Variants in CCDC102B observed in about 807,000 individuals in gnomAD.
CCDC102B encodes coiled-coil domain-containing protein 102B.
A neutral mutation model predicts 57.4 loss-of-function variants in CCDC102B; 75 were observed. That is an observed-to-expected ratio of 1.31 (90% CI 1.08 to 1.58). The LOEUF (loss-of-function observed/expected upper bound fraction) is 1.58. Among genes scored for constraint, CCDC102B ranks in the 40% most tolerant of loss-of-function variants. The pLI is 0.00. For missense variants in CCDC102B, 636 were observed against 582.6 expected (o/e 1.09, Z -0.94); for synonymous variants, 206 against 201.9 (o/e 1.02, Z -0.17).
At chr18:68,891,183 A>G (rs185014099) in intron 5 of CCDC102B, among the ~76,000 whole-genome samples, 66 of 152,308 alleles carry the variant, frequency 4.3e-4, no homozygotes, top group African/African-American at 1.5e-3. Flanking sequence ...TATTATACGT[A>G]ATAGCCCTTT....
intron 6 of CCDC102B, among the ~76,000 whole-genome samples, chr18:68,912,754 G>T (rs970824031): frequency 6.6e-6 from 1 of 152,178 alleles, no homozygotes; most frequent in Admixed American, 6.5e-5. Context: ...CTTATTATTT[G>T]ATTTTGGCCA....
At chr18:68,899,704 T>A (rs2040370462) in intron 6 of CCDC102B, 1 of 152,140 alleles carries the variant, frequency 6.6e-6, no homozygotes, top group Non-Finnish European at 1.5e-5. Context: ...GTAAAAAATA[T>A]GTTAGGTTTT....
chr18:68,950,863 T>C (rs985899472), intron 6 of CCDC102B, among the ~76,000 whole-genome samples: 7 of 152,194 alleles, frequency 4.6e-5, no homozygotes, highest in African/African-American at 1.4e-4. Context: ...TGGTATTTTT[T>C]TTTGAGAATT....
At position 68,874,212 on chromosome 18, in the gene CCDC102B, GTA is replaced by G. The variant is rs1031107929; in HGVS notation, c.937-446_937-445del. Among the ~76,000 whole-genome samples, 491 of 120,642 alleles carry G rather than the reference GTA, an allele frequency of 4.1e-3. 3 individuals are homozygous for G. The highest frequency in any genetic ancestry group is 0.014 in the East Asian group (41 of 2,894). 79.1% of individuals were successfully genotyped at this position (120,642 alleles called of 152,430 possible). ...TGTGTGTGTGTGTGTGTGTGTGTGTGTATATATATATACTTTATTTCCATTGC... is the reference window on the plus strand; with the variant it reads ...TGTGTGTGTGTGTGTGTGTGTGTGTGTATATATATACTTTATTTCCATTGC... On this transcript the variant is annotated intron_variant, in intron 4 of 7. Coordinates refer to ENST00000360242, the MANE Select transcript of CCDC102B (RefSeq NM_024781.3).
At chr18:68,843,664 A>G (rs2037734386) in intron 3 of CCDC102B, among the ~76,000 whole-genome samples, 1 of 151,856 alleles carries the variant, frequency 6.6e-6, no homozygotes, top group Non-Finnish European at 1.5e-5. Context: ...ATTTTTGCTG[A>G]GCTTTGTCTT....
At chr18:68,721,972 A>G (rs529929430) in intron 2 of CCDC102B, among the ~76,000 whole-genome samples, 1 of 152,322 alleles carries the variant, frequency 6.6e-6, no homozygotes, top group African/African-American at 2.4e-5. Flanking sequence ...TGCTACAACT[A>G]AGAAGATAAT....
At chr18:68,813,774 T>TTATATATATATATATATATATATA (rs142225933) in intron 1 of CCDC102B, among the ~76,000 whole-genome samples, 4 of 145,962 alleles carry the variant, frequency 2.7e-5, no homozygotes, top group African/African-American at 1.0e-4. Flanking sequence ...AAATATAATT[T>TTATATATATATATATATATATATA]TATATATATA....
chr18:69,014,378 G>C (rs1206613378), intron 7 of CCDC102B, among the ~76,000 whole-genome samples: 1 of 152,190 alleles, frequency 6.6e-6, no homozygotes, highest in Non-Finnish European at 1.5e-5. Context: ...CTTCTAGAGA[G>C]TAGAGCTAAG....
intron 7 of CCDC102B, among the ~76,000 whole-genome samples, chr18:69,026,917 G>A (rs574056510): frequency 3.5e-4 from 54 of 152,298 alleles, no homozygotes; most frequent in Admixed American, 2.2e-3. Context: ...TGAGCACGGG[G>A]AAAGGTCTGG....
At chr18:68,777,651 T>C (rs2034869006) in intron 2 of CCDC102B, among the ~76,000 whole-genome samples, 1 of 152,180 alleles carries the variant, frequency 6.6e-6, no homozygotes, top group African/African-American at 2.4e-5. Flanking sequence ...TTATGGTATA[T>C]GGAATTTTAA....
chr18:68,907,489 C>T (rs769222263), intron 6 of CCDC102B, among the ~76,000 whole-genome samples: 1 of 152,136 alleles, frequency 6.6e-6, no homozygotes, highest in Non-Finnish European at 1.5e-5. Flanking sequence ...TTGTAGTTTT[C>T]AGCTGATAAG....
intron 7 of CCDC102B, among the ~76,000 whole-genome samples, chr18:69,040,776 A>G (rs1230258677): frequency 2.0e-5 from 3 of 151,998 alleles, no homozygotes; most frequent in African/African-American, 7.2e-5. Context: ...TGTGTTTTTT[A>G]AGATTGGTTG....
intron 6 of CCDC102B, among the ~76,000 whole-genome samples, chr18:68,953,231 A>G (rs549274582): frequency 6.6e-6 from 1 of 152,230 alleles, no homozygotes; most frequent in East Asian, 1.9e-4. Flanking sequence ...TAGAAATTGT[A>G]AAGATGTTCT....
chr18:68,966,899 T>G (rs536270557), intron 6 of CCDC102B, among the ~76,000 whole-genome samples: 5 of 152,270 alleles, frequency 3.3e-5, no homozygotes, highest in African/African-American at 1.2e-4. Flanking sequence ...AATCTACCAA[T>G]GCCCATAGGC....
At chr18:68,804,999 A>G (rs2035983637) in intron 1 of CCDC102B, among the ~76,000 whole-genome samples, 1 of 152,014 alleles carries the variant, frequency 6.6e-6, no homozygotes, top group South Asian at 2.1e-4. Context: ...GGAGCGGATT[A>G]GAGGAAATTA....
intron 1 of CCDC102B, among the ~76,000 whole-genome samples, chr18:68,835,031 T>C (rs1157900514): frequency 2.6e-5 from 4 of 152,130 alleles, no homozygotes; most frequent in African/African-American, 9.6e-5. Context: ...TGGGTAATTA[T>C]ATACAGCCAT....
chr18:68,770,799 T>G (rs2034615316), intron 2 of CCDC102B, among the ~76,000 whole-genome samples: 2 of 152,354 alleles, frequency 1.3e-5, no homozygotes, highest in South Asian at 4.1e-4. Context: ...TAATATATCT[T>G]GATGCATAAG....
At chr18:69,025,378 T>G (rs1296567162) in intron 7 of CCDC102B, among the ~76,000 whole-genome samples, 1 of 152,156 alleles carries the variant, frequency 6.6e-6, no homozygotes, top group East Asian at 1.9e-4. Context: ...AGAGACAAGT[T>G]TCAATGACAG....
chr18:68,922,790 C>T (rs1018776127), intron 6 of CCDC102B, among the ~76,000 whole-genome samples: 1 of 151,534 alleles, frequency 6.6e-6, no homozygotes, highest in Non-Finnish European at 1.5e-5. Context: ...AGCAGGGACA[C>T]AAATAAGGTT....
Sources: allele counts gnomAD v4.1 joint callset (sites outside exome capture counted in the v4.1 genomes callset), GRCh38; gene constraint gnomAD v4.1.1; transcripts MANE v1.5; gene names NCBI Gene and HGNC (gene_info 2026-07-23, HGNC 2026-07-21).